Variants in SLC4A10 observed in about 807,000 individuals in gnomAD.
The protein encoded by SLC4A10 is solute carrier family 4 member 10.
A neutral mutation model predicts 137.7 loss-of-function variants in SLC4A10; 42 were observed. The ratio of observed to expected loss-of-function variants is 0.30; its 90% CI spans 0.24 to 0.39. SLC4A10 has a LOEUF of 0.39. Among genes scored for constraint, SLC4A10 ranks in the 10% least tolerant of loss-of-function variants. The pLI, the probability that SLC4A10 is intolerant of heterozygous loss-of-function variation, is 1.00. For synonymous variants in SLC4A10, 474 were observed against 464.1 expected, an observed-to-expected ratio of 1.02 and a Z score of -0.27; for missense variants, 925 against 1,355.0, an observed-to-expected ratio of 0.68 and a Z score of 4.98.
chr2:161,718,668 T>A (rs62189009), intron 1 of SLC4A10, among the ~76,000 whole-genome samples: 11,455 of 152,254 alleles, frequency 0.075, 542 homozygotes, highest in East Asian at 0.14. Flanking sequence ...GAGAGACTGT[T>A]GTGATTTCAG....
chr2:161,829,184 T>A, intron 3 of SLC4A10, among the ~76,000 whole-genome samples: 1 of 152,114 alleles, frequency 6.6e-6, no homozygotes, highest in East Asian at 1.9e-4. Context: ...GCACCAGACA[T>A]GTTAGTGCTT....
chr2:161,752,565 A>T (rs1224248657), intron 1 of SLC4A10, among the ~76,000 whole-genome samples: 2 of 152,120 alleles, frequency 1.3e-5, no homozygotes, highest in Non-Finnish European at 2.9e-5. Flanking sequence ...TGCTCATTGC[A>T]TTATTCATAA....
At chr2:161,627,611 G>T (rs2032679378) in intron 1 of SLC4A10, among the ~76,000 whole-genome samples, 1 of 152,080 alleles carries the variant, frequency 6.6e-6, no homozygotes, top group Non-Finnish European at 1.5e-5. Context: ...GGCAGAGGAG[G>T]CCTAGATATG....
chr2:161,876,221 A>G (rs778916074), intron 8 of SLC4A10, among the ~76,000 whole-genome samples: 84 of 152,166 alleles, frequency 5.5e-4, no homozygotes, highest in Non-Finnish European at 6.0e-4. Flanking sequence ...AGGACCAGAA[A>G]CTTCCAGGAT....
chr2:161,973,196 A>G (rs1698848431), intron 23 of SLC4A10, among the ~76,000 whole-genome samples: 1 of 152,002 alleles, frequency 6.6e-6, no homozygotes, highest in Non-Finnish European at 1.5e-5. Flanking sequence ...TTTTATGTTT[A>G]TACATCTTAA....
chr2:161,757,032 T>G lies in SLC4A10; in HGVS notation c.49-13941T>G, dbSNP rs553902681. On this transcript the variant is annotated intron_variant, in intron 1 of 26. Coordinates refer to ENST00000446997, the MANE Select transcript of SLC4A10 (RefSeq NM_001178015.2). ...TGTGCACAACAGAAAGAAGATGAATTTTCAAGTCAGCTCACTTATAAGCAA... is the reference window on the plus strand; with the variant it reads ...TGTGCACAACAGAAAGAAGATGAATGTTCAAGTCAGCTCACTTATAAGCAA... Among the ~76,000 whole-genome samples, 12 of 152,190 alleles carry G rather than the reference T, an allele frequency of 7.9e-5. No homozygotes were observed. The East Asian group carries it at 2.3e-3, about 29-fold the overall frequency.
At chr2:161,703,742 G>T (rs983061412) in intron 1 of SLC4A10, among the ~76,000 whole-genome samples, 20 of 151,620 alleles carry the variant, frequency 1.3e-4, no homozygotes, top group Admixed American at 6.6e-5. Flanking sequence ...TATTATTAAG[G>T]TTTGCTGCAG....
chr2:161,928,542 T>C (rs867487362), intron 15 of SLC4A10, among the ~76,000 whole-genome samples: 1 of 146,436 alleles, frequency 6.8e-6, no homozygotes. Context: ...ATAAAAAAAG[T>C]ATAATATATA....
In SLC4A10 at chr2:161,658,222, G is replaced by T. The variant is rs898776811; in HGVS notation, c.48+33656G>T. Among the ~76,000 whole-genome samples, 5 of 152,096 alleles carry T rather than the reference G, an allele frequency of 3.3e-5. No individual in the cohort carries two copies. The East Asian group carries it at 9.6e-4, about 29-fold the overall frequency. ...ATTTTGCATTAGAAAACTTTAGCCT[G>T]AATCCTTACTTTTTAGATTCAACAT... is the stretch of plus-strand genomic sequence containing the variant. On this transcript the variant is annotated intron_variant, in intron 1 of 26. Transcript: ENST00000446997.
At chr2:161,746,433 C>T (rs995900579) in intron 1 of SLC4A10, among the ~76,000 whole-genome samples, 2 of 151,854 alleles carry the variant, frequency 1.3e-5, no homozygotes. Context: ...CCAAGGACTA[C>T]TTAGTCAACA....
chr2:161,693,875 A>G lies in SLC4A10; in HGVS notation c.48+69309A>G, dbSNP rs995215532. ...ATTTTCTCTATCCATTCGTACATCCATGGATGCTTAGGTTGTTTCCATATA... is the reference window on the plus strand; with the variant it reads ...ATTTTCTCTATCCATTCGTACATCCGTGGATGCTTAGGTTGTTTCCATATA... On this transcript the variant is annotated intron_variant, in intron 1 of 26. Transcript: ENST00000446997. Among the ~76,000 whole-genome samples the G allele has an allele frequency of 4.6e-5, 7 of 151,952 alleles. No homozygotes were observed. The East Asian group carries it at 1.4e-3, about 29-fold the overall frequency.
chr2:161,909,190 A>G (rs1295870150), intron 15 of SLC4A10, among the ~76,000 whole-genome samples: 1 of 151,786 alleles, frequency 6.6e-6, no homozygotes, highest in African/African-American at 2.4e-5. Flanking sequence ...TATGTAACAA[A>G]CCTGCACATT....
intron 21 of SLC4A10, among the ~76,000 whole-genome samples, chr2:161,960,363 CA>C (rs369670130): frequency 0.035 from 1,591 of 46,028 alleles, 7 homozygotes; most frequent in African/African-American, 0.044. Flanking sequence ...GACTCTGTCT[CA>C]AAAAAAAAAA....
At chr2:161,876,780 G>A (rs1663670257) in intron 8 of SLC4A10, among the ~76,000 whole-genome samples, 1 of 151,834 alleles carries the variant, frequency 6.6e-6, no homozygotes, top group South Asian at 2.1e-4. Flanking sequence ...GTTGCCCCAC[G>A]AATAATATAA....
At chr2:161,670,720 A>G (rs1263592325) in intron 1 of SLC4A10, among the ~76,000 whole-genome samples, 3 of 151,948 alleles carry the variant, frequency 2.0e-5, no homozygotes, top group Non-Finnish European at 4.4e-5. Context: ...GTTTTGCAAA[A>G]AATTATCTTA....
At chr2:161,828,263 A>C (rs773639809) in intron 3 of SLC4A10, among the ~76,000 whole-genome samples, 22 of 152,148 alleles carry the variant, frequency 1.4e-4, no homozygotes, top group Non-Finnish European at 2.5e-4. Flanking sequence ...TTAACTTCTT[A>C]CAAAACAGTA....
At chr2:161,776,458 A>G (rs935567882) in intron 2 of SLC4A10, among the ~76,000 whole-genome samples, 1 of 151,838 alleles carries the variant, frequency 6.6e-6, no homozygotes, top group Admixed American at 6.6e-5. Context: ...ATCATATACT[A>G]TTTGTCTTTT....
chr2:161,826,433 G>A (rs2058024614), intron 3 of SLC4A10, among the ~76,000 whole-genome samples: 1 of 152,152 alleles, frequency 6.6e-6, no homozygotes, highest in South Asian at 2.1e-4. Context: ...ATTCACTTCT[G>A]TCATTGTACT....
At chr2:161,819,622 G>A (rs1218266048) in intron 3 of SLC4A10, among the ~76,000 whole-genome samples, 1 of 151,934 alleles carries the variant, frequency 6.6e-6, no homozygotes, top group East Asian at 1.9e-4. Context: ...AGCCTCCTGA[G>A]TAGCTGGGAT....
Sources: allele counts gnomAD v4.1 joint callset (sites outside exome capture counted in the v4.1 genomes callset), GRCh38; gene constraint gnomAD v4.1.1; transcripts MANE v1.5; gene names NCBI Gene and HGNC (gene_info 2026-07-23, HGNC 2026-07-21).